The following NPIPB2 variants were observed in gnomAD, a reference collection of about 807,000 sequenced individuals.
The protein encoded by NPIPB2 is nuclear pore complex interacting protein family member B2.
NPIPB2 carries 27 observed loss-of-function variants against 30.8 expected under a neutral mutation model. The observed-to-expected ratio is 0.88, with a 90% CI of 0.65 to 1.21. The LOEUF (loss-of-function observed/expected upper bound fraction) is 1.21. Ranked by LOEUF, NPIPB2 falls within the 50% of genes most tolerant of loss-of-function variation. The pLI is 0.00. For synonymous variants in NPIPB2, 147 were observed against 162.0 expected (o/e 0.91, Z 0.70); for missense variants, 440 against 446.2 (o/e 0.99, Z 0.13).
At chr16:11,937,368 T>C (rs1049528504) in intron 2 of NPIPB2, among the ~76,000 whole-genome samples, 172 bp downstream of exon 2, 1 of 152,240 alleles carries the variant, frequency 6.6e-6, no homozygotes, top group Non-Finnish European at 1.5e-5. Context: ...TATTTAATTT[T>C]CATAATGTAA....
chr16:11,940,758 T>TTAAA (rs2054927596), intron 1 of NPIPB2, among the ~76,000 whole-genome samples: 15 of 47,144 alleles, frequency 3.2e-4, no homozygotes, highest in Non-Finnish European at 4.3e-4. Context: ...AGACTCTGTC[T>TTAAA]AAAAAAAAAA....
At chr16:11,949,168 AAG>A (rs977012556) in intron 1 of NPIPB2, among the ~76,000 whole-genome samples, 5 of 152,138 alleles carry the variant, frequency 3.3e-5, no homozygotes, top group Non-Finnish European at 7.4e-5. Flanking sequence ...AAAAAAGAAA[AAG>A]AGAGAGAAAG....
rs200809203 is a variant in NPIPB2 at position 11,939,485 on chromosome 16, G to A, written c.64-1817C>T. ...TGAGGCAGAAGAATCACTTGAACCCGGGAGGCAGAGGTTGCAGTGAGCCGA... is the reference window on the plus strand; with the variant it reads ...TGAGGCAGAAGAATCACTTGAACCCAGGAGGCAGAGGTTGCAGTGAGCCGA... On this transcript the variant is annotated intron_variant, in intron 1 of 7. Transcript: ENST00000399147. Among the ~76,000 whole-genome samples the A allele has an allele frequency of 6.2e-3, 855 of 137,088 alleles. 12 individuals are homozygous for A. The highest frequency in any genetic ancestry group is 0.021 in the African/African-American group (817 of 39,172). The allele number at this position is 137,088 out of a possible 152,430, so 89.9% of individuals were successfully genotyped here.
intron 1 of NPIPB2, among the ~76,000 whole-genome samples, chr16:11,951,854 C>T (rs561910388): frequency 2.7e-5 from 4 of 149,310 alleles, no homozygotes; most frequent in African/African-American, 5.0e-5. Context: ...GTTGAAACCC[C>T]GTCTCTACTA....
At chr16:11,944,346 T>C (rs926385915), upstream of NPIPB2, among the ~76,000 whole-genome samples, 2 of 151,748 alleles carry the variant, frequency 1.3e-5, no homozygotes, top group African/African-American at 4.8e-5. Flanking sequence ...TTTGTAGTTT[T>C]AGTAGAGACG....
chr16:11,955,270 C>T (rs1370731740), intron 1 of NPIPB2, among the ~76,000 whole-genome samples: 1 of 142,344 alleles, frequency 7.0e-6, no homozygotes, highest in African/African-American at 2.7e-5. Flanking sequence ...ATGAGAATCA[C>T]TTGAACCTGG....
intron 1 of NPIPB2, among the ~76,000 whole-genome samples, chr16:11,972,706 C>A (rs916048195): frequency 6.6e-6 from 1 of 151,294 alleles, no homozygotes; most frequent in African/African-American, 2.4e-5. Flanking sequence ...AACCCCGTCT[C>A]TACTAGAATT....
chr16:11,974,841 AG>A (rs1476532569), intron 1 of NPIPB2, among the ~76,000 whole-genome samples: 3 of 152,080 alleles, frequency 2.0e-5, no homozygotes, highest in African/African-American at 7.2e-5. Flanking sequence ...TGGGAGGCCG[AG>A]GTGGGTGAAT....
At chr16:11,933,389 C>T in intron 4 of NPIPB2, 128 bp downstream of exon 4, 1 of 1,400,280 alleles carries the variant, frequency 7.1e-7, no homozygotes, top group Non-Finnish European at 9.7e-7. Context: ...GCAGAAAGGA[C>T]AAACTCAATT....
upstream of NPIPB2, among the ~76,000 whole-genome samples, chr16:11,943,887 A>C (rs1287837319): frequency 1.4e-5 from 2 of 143,582 alleles, no homozygotes; most frequent in Non-Finnish European, 3.0e-5. Context: ...AATCCCAGCT[A>C]TTTGGGAGGC....
At position 11,966,322 on chromosome 16, in the gene NPIPB2, G is replaced by A. The variant is rs2055193645; in HGVS notation, c.-584+10246C>T. On this transcript the variant is annotated intron_variant, in intron 1 of 5. Coordinates refer to the NPIPB2 transcript ENST00000538896. ...GGAAGATAAACTCTGAACCATTAAA[G>A]GACGAGTTTAAAAACACAGGTTGGT... is the stretch of plus-strand genomic sequence containing the variant. The A allele has an allele frequency of 2.5e-6, 4 of 1,612,468 alleles. 1 individual carries two copies. The Admixed American group carries it at 6.7e-5, about 27-fold the overall frequency.
chr16:11,975,593 T>C (rs182417933), intron 1 of NPIPB2, among the ~76,000 whole-genome samples: 1 of 151,576 alleles, frequency 6.6e-6, no homozygotes, highest in Non-Finnish European at 1.5e-5. Flanking sequence ...GAGCCATTTT[T>C]GTTGTTGTTG....
intron 1 of NPIPB2, among the ~76,000 whole-genome samples, chr16:11,974,750 C>T (rs1031463741): frequency 2.0e-5 from 3 of 151,980 alleles, no homozygotes; most frequent in African/African-American, 4.8e-5. Context: ...CCCTTTTCCC[C>T]GATGTGTAAA....
At chr16:11,954,674 G>A (rs559370907) in intron 1 of NPIPB2, among the ~76,000 whole-genome samples, 4 of 151,950 alleles carry the variant, frequency 2.6e-5, no homozygotes, top group East Asian at 1.9e-4. Flanking sequence ...TTGGGAGGCC[G>A]AGGCGGTAGG....
At chr16:11,933,561 G>A (rs550836156) in exon 4 of NPIPB2, 1 of 1,597,068 alleles carries the variant, frequency 6.3e-7, no homozygotes, top group Non-Finnish European at 8.5e-7. Context: ...TGTCATGATG[G>A]TTGATTTTCG....
chr16:11,940,757 CT>C (rs1412160533), intron 1 of NPIPB2, among the ~76,000 whole-genome samples: 2 of 35,486 alleles, frequency 5.6e-5, no homozygotes, highest in African/African-American at 2.4e-4. Flanking sequence ...GAGACTCTGT[CT>C]AAAAAAAAAA....
intron 1 of NPIPB2, among the ~76,000 whole-genome samples, chr16:11,964,518 C>A (rs1370175041): frequency 1.3e-5 from 2 of 151,866 alleles, no homozygotes; most frequent in Admixed American, 1.3e-4. Flanking sequence ...GGTTCAAGCA[C>A]GTCTCCCTGC....
chr16:11,971,954 C>T (rs112518094), intron 1 of NPIPB2, among the ~76,000 whole-genome samples: 7,822 of 150,006 alleles, frequency 0.052, 329 homozygotes, highest in Admixed American at 0.14. Flanking sequence ...AGACCAGCAT[C>T]GCCAACATAG....
upstream of NPIPB2, among the ~76,000 whole-genome samples, chr16:11,943,997 C>CAAA (rs398070768): frequency 4.0e-5 from 2 of 50,348 alleles, no homozygotes; most frequent in African/African-American, 8.0e-5. Context: ...GACTCTGTCT[C>CAAA]AAAAAAAAAA....
Sources: allele counts gnomAD v4.1 joint callset (sites outside exome capture counted in the v4.1 genomes callset), GRCh38; gene constraint gnomAD v4.1.1; transcripts MANE v1.5; gene names NCBI Gene and HGNC (gene_info 2026-07-23, HGNC 2026-07-21).